Variants in RCAN2 observed in about 807,000 individuals in gnomAD.
RCAN2 encodes regulator of calcineurin 2.
A neutral mutation model predicts 23.6 loss-of-function variants in RCAN2; 9 were observed. The observed-to-expected ratio is 0.38, with a 90% confidence interval of 0.23 to 0.67. RCAN2 has a LOEUF of 0.67. Among genes scored for constraint, RCAN2 ranks in the 30% least tolerant of loss-of-function variants. RCAN2 has a pLI of 0.51. For synonymous variants in RCAN2, 109 were observed against 115.7 expected (o/e 0.94, Z 0.37); for missense variants, 273 against 302.3 (o/e 0.90, Z 0.72).
At chr6:46,255,694 A>G (rs983110661) in intron 2 of RCAN2, among the ~76,000 whole-genome samples, 2 of 152,126 alleles carry the variant, frequency 1.3e-5, no homozygotes, top group Non-Finnish European at 2.9e-5. Flanking sequence ...AACAGAGTTG[A>G]GGGACAACCA....
At chr6:46,410,082 C>A (rs1346984571) in intron 2 of RCAN2, among the ~76,000 whole-genome samples, 1 of 152,196 alleles carries the variant, frequency 6.6e-6, no homozygotes, top group African/African-American at 2.4e-5. Flanking sequence ...AACTCCAGCT[C>A]TCCAGCCTTA....
At chr6:46,268,227 C>T (rs770422958) in intron 2 of RCAN2, among the ~76,000 whole-genome samples, 22 of 152,076 alleles carry the variant, frequency 1.4e-4, no homozygotes, top group Non-Finnish European at 2.2e-4. Context: ...TTTTTTCCTC[C>T]TAAAATTCCT....
intron 4 of RCAN2, among the ~76,000 whole-genome samples, chr6:46,224,785 A>T (rs891727057): frequency 1.3e-5 from 2 of 148,376 alleles, no homozygotes; most frequent in African/African-American, 5.3e-5. Flanking sequence ...TTCACAAGGT[A>T]CAGTTTTTTT....
At position 46,353,215 on chromosome 6, in the gene RCAN2, C is replaced by G. The variant is rs150453244; in HGVS notation, c.225+103537G>C. On this transcript the variant is annotated intron_variant, in intron 2 of 4. Coordinates refer to ENST00000371374, the MANE Select transcript of RCAN2 (RefSeq NM_001251974.2). ...CCAGCTCAGGCATCTCTGGATCCAA[C>G]CAGTTTTTGTTTTTCTGGGCCTGAG... is the stretch of plus-strand genomic sequence containing the variant. Among the ~76,000 whole-genome samples the G allele has an allele frequency of 2.5e-3, 377 of 152,232 alleles. 4 individuals are homozygous for G. Among genetic ancestry groups the G allele is most frequent in the African/African-American group, 8.6e-3 (358 of 41,532 alleles).
intron 2 of RCAN2, among the ~76,000 whole-genome samples, chr6:46,362,241 T>A (rs1197692836): frequency 6.6e-6 from 1 of 152,104 alleles, no homozygotes; most frequent in Non-Finnish European, 1.5e-5. Flanking sequence ...GAAAAAAATA[T>A]CGTCTTTTTC....
At chr6:46,333,892 T>G (rs1219415141) in intron 2 of RCAN2, among the ~76,000 whole-genome samples, 1 of 152,180 alleles carries the variant, frequency 6.6e-6, no homozygotes, top group Non-Finnish European at 1.5e-5. Flanking sequence ...CTCAATGAGT[T>G]TTCTAGTTTA....
intron 2 of RCAN2, among the ~76,000 whole-genome samples, chr6:46,318,382 T>C (rs1763509883): frequency 6.6e-6 from 1 of 152,184 alleles, no homozygotes; most frequent in African/African-American, 2.4e-5. Context: ...ATCAAGACCT[T>C]TTTGAAACAT....
intron 2 of RCAN2, among the ~76,000 whole-genome samples, chr6:46,302,143 G>A (rs1035303443): frequency 1.3e-5 from 2 of 152,012 alleles, no homozygotes; most frequent in Admixed American, 1.3e-4. Flanking sequence ...AAATCAATAG[G>A]ACTTGCTGAT....
intron 2 of RCAN2, among the ~76,000 whole-genome samples, chr6:46,358,787 T>C (rs1387161081): frequency 6.6e-6 from 1 of 152,154 alleles, no homozygotes; most frequent in African/African-American, 2.4e-5. Flanking sequence ...TAGAATCACC[T>C]GGGAGATAAG....
intron 2 of RCAN2, among the ~76,000 whole-genome samples, chr6:46,336,232 T>C (rs1331280604): frequency 6.6e-6 from 1 of 152,192 alleles, no homozygotes; most frequent in Non-Finnish European, 1.5e-5. Flanking sequence ...AATTTCTTGG[T>C]TGAAATCTGT....
chr6:46,344,699 A>T (rs78099879), intron 2 of RCAN2, among the ~76,000 whole-genome samples: 3,984 of 152,120 alleles, frequency 0.026, 162 homozygotes, highest in African/African-American at 0.087. Flanking sequence ...CCATTAAAAA[A>T]TAACAAAAGG....
At chr6:46,387,252 A>T (rs1203147637) in intron 2 of RCAN2, among the ~76,000 whole-genome samples, 1 of 152,154 alleles carries the variant, frequency 6.6e-6, no homozygotes, top group Non-Finnish European at 1.5e-5. Flanking sequence ...ATTGACAAAT[A>T]GGATCTAATT....
chr6:46,372,850 C>A (rs1024165303), intron 2 of RCAN2, among the ~76,000 whole-genome samples: 2 of 152,156 alleles, frequency 1.3e-5, no homozygotes, highest in Non-Finnish European at 2.9e-5. Context: ...AAATAGTATT[C>A]TCCCCAAGAA....
chr6:46,480,796 T>G (rs1352813720), intron 1 of RCAN2, among the ~76,000 whole-genome samples: 1 of 152,126 alleles, frequency 6.6e-6, no homozygotes, highest in Admixed American at 6.5e-5. Context: ...CGGCTAATTT[T>G]TTGTTTTAGT....
chr6:46,481,489 G>C (rs1768858656), intron 1 of RCAN2, among the ~76,000 whole-genome samples: 1 of 152,074 alleles, frequency 6.6e-6, no homozygotes, highest in African/African-American at 2.4e-5. Context: ...TAGTTGCAGT[G>C]TTCTCTAAAT....
intron 2 of RCAN2, among the ~76,000 whole-genome samples, chr6:46,382,477 A>G (rs1441604264): frequency 6.6e-6 from 1 of 152,200 alleles, no homozygotes; most frequent in Non-Finnish European, 1.5e-5. Context: ...TCCCAGGAAA[A>G]TGAAAACAGT....
At chr6:46,261,635 T>A (rs189134826) in intron 2 of RCAN2, among the ~76,000 whole-genome samples, 1 of 152,290 alleles carries the variant, frequency 6.6e-6, no homozygotes, top group East Asian at 1.9e-4. Context: ...TATATTTATA[T>A]CTATACTCGT....
chr6:46,411,206 G>A (rs1766541948), intron 2 of RCAN2, among the ~76,000 whole-genome samples: 1 of 152,190 alleles, frequency 6.6e-6, no homozygotes, highest in African/African-American at 2.4e-5. Context: ...AGGAAAATCT[G>A]ACACACGTTA....
At chr6:46,475,538 T>C (rs554047091) in intron 1 of RCAN2, among the ~76,000 whole-genome samples, 3 of 152,318 alleles carry the variant, frequency 2.0e-5, no homozygotes, top group Non-Finnish European at 4.4e-5. Flanking sequence ...TTCAATTCTT[T>C]CCAAACAAAC....
Sources: gnomAD v4.1 joint callset for allele counts (sites outside exome capture counted in the v4.1 genomes callset) on GRCh38, gnomAD v4.1.1 for gene constraint, MANE v1.5 for transcripts, NCBI Gene and HGNC (gene_info 2026-07-23, HGNC 2026-07-21) for gene names.